The following HSPA12A variants were observed in gnomAD, a reference collection of about 807,000 sequenced individuals.
HSPA12A encodes heat shock protein family A (Hsp70) member 12A.
In HSPA12A, 28 loss-of-function variants were observed where a neutral mutation model predicts 69.2. That is an observed-to-expected ratio of 0.40 (90% CI 0.30 to 0.55). The LOEUF (loss-of-function observed/expected upper bound fraction) is 0.55, where lower values mean the gene tolerates loss of function less well. Ranked by LOEUF, HSPA12A falls within the 20% of genes least tolerant of loss-of-function variation. The pLI is 0.38. For missense variants in HSPA12A, 686 were observed against 900.7 expected, an observed-to-expected ratio of 0.76 and a Z score of 3.05; for synonymous variants, 345 against 370.5, an observed-to-expected ratio of 0.93 and a Z score of 0.79.
chr10:116,775,739 C>A (rs1844321821), intron 2 of HSPA12A, among the ~76,000 whole-genome samples: 1 of 152,158 alleles, frequency 6.6e-6, no homozygotes, highest in African/African-American at 2.4e-5. Context: ...GACATCAGGG[C>A]ACAGAAGTAA....
At chr10:116,769,007 G>A (rs1456558011) in intron 2 of HSPA12A, among the ~76,000 whole-genome samples, 5 of 152,148 alleles carry the variant, frequency 3.3e-5, no homozygotes, top group Non-Finnish European at 5.9e-5. Flanking sequence ...AGGACTGGAC[G>A]TTGTGATTCT....
intron 2 of HSPA12A, among the ~76,000 whole-genome samples, chr10:116,747,770 G>A (rs1360575678): frequency 2.6e-5 from 4 of 151,992 alleles, no homozygotes; most frequent in Non-Finnish European, 5.9e-5. Flanking sequence ...AGGCCGAGAC[G>A]GGTGGATCAC....
At chr10:116,720,737 G>A (rs1850751331) in intron 1 of HSPA12A, among the ~76,000 whole-genome samples, 1 of 152,256 alleles carries the variant, frequency 6.6e-6, no homozygotes, top group Admixed American at 6.5e-5. Flanking sequence ...GTGACCGTCT[G>A]CACGTGCCAG....
At chr10:116,798,038 A>T (rs538722024) in intron 2 of HSPA12A, among the ~76,000 whole-genome samples, 1 of 132,208 alleles carries the variant, frequency 7.6e-6, no homozygotes, top group East Asian at 2.2e-4. Flanking sequence ...AGCTCTTACA[A>T]GAACTATTTC....
chr10:116,802,746 C>T (rs1243841822), intron 2 of HSPA12A, among the ~76,000 whole-genome samples: 5 of 152,210 alleles, frequency 3.3e-5, no homozygotes, highest in Non-Finnish European at 2.9e-5. Context: ...CACGGCTTGC[C>T]TACCTCTCCC....
At chr10:116,684,541 G>A (rs1023323580) in intron 6 of HSPA12A, among the ~76,000 whole-genome samples, 2 of 152,010 alleles carry the variant, frequency 1.3e-5, no homozygotes, top group South Asian at 2.1e-4. Context: ...TCTCCAGAGC[G>A]CTAGGAGGGT....
chr10:116,772,633 A>T (rs1275945670), intron 2 of HSPA12A, among the ~76,000 whole-genome samples: 1 of 152,080 alleles, frequency 6.6e-6, no homozygotes, highest in Non-Finnish European at 1.5e-5. Flanking sequence ...CTGCTCTAGG[A>T]AAGCCTGTGG....
intron 2 of HSPA12A, among the ~76,000 whole-genome samples, chr10:116,805,620 A>G (rs1349966949): frequency 6.6e-6 from 1 of 152,196 alleles, no homozygotes; most frequent in Admixed American, 6.5e-5. Flanking sequence ...CTTGAAAAAA[A>G]CAAATTCACC....
At chr10:116,803,226 G>A (rs567521394) in intron 2 of HSPA12A, among the ~76,000 whole-genome samples, 38 of 152,266 alleles carry the variant, frequency 2.5e-4, no homozygotes, top group Non-Finnish European at 5.1e-4. Flanking sequence ...GGACGAGAGG[G>A]TGTGCGGAGA....
At chr10:116,821,868 G>A (rs1845413565) in intron 2 of HSPA12A, among the ~76,000 whole-genome samples, 2 of 152,136 alleles carry the variant, frequency 1.3e-5, no homozygotes, top group South Asian at 4.1e-4. Context: ...TTACAGCTCA[G>A]AAACACCAGA....
chr10:116,702,202 G>A (rs1382851548), intron 3 of HSPA12A, among the ~76,000 whole-genome samples: 2 of 152,042 alleles, frequency 1.3e-5, no homozygotes, highest in Non-Finnish European at 2.9e-5. Flanking sequence ...CAATGTATTC[G>A]CTCACCTTTG....
rs1201177310 is a variant in HSPA12A at position 116,673,651 on chromosome 10, C to G, written c.*1130G>C. On this transcript the variant is annotated 3_prime_UTR_variant, in exon 12 of 12. Transcript: ENST00000369209. The stretch of plus-strand genomic sequence containing the variant: ...TTCTGATGCAGGCGAGCCACAGGCC[C>G]GCTGTGAAAAAAAACTGACTTAATA... 6.6e-6 allele frequency: 1 copy of G among 151,942 alleles called. No homozygotes were observed. The highest frequency in any genetic ancestry group is 1.5e-5 in the Non-Finnish European group (1 of 68,014). 9.4% of individuals were successfully genotyped at this position (151,942 alleles called of 1,614,324 possible).
At position 116,742,458 on chromosome 10, in the gene HSPA12A, CT is replaced by C; in HGVS notation, c.11del (p.Lys4ArgfsTer30). 1 of 1,401,176 alleles carries C rather than the reference CT, an allele frequency of 7.1e-7. No homozygotes were observed. The highest frequency in any genetic ancestry group is 1.4e-5 in the South Asian group (1 of 70,008). The allele number at this position is 1,401,176 out of a possible 1,614,324, so 86.8% of individuals were successfully genotyped here. On this transcript the variant is annotated frameshift_variant, in exon 1 of 12. Coordinates refer to ENST00000369209, the MANE Select transcript of HSPA12A (RefSeq NM_025015.3). LOFTEE classifies it high-confidence loss of function. MAD[K>X]EAGGSDGPRE... is the part of the protein sequence containing the mutation. ...GGGGCCCGTCGCTGCCGCCGGCCTCCTTGTCCGCCATGGTCGCGCAGCCCCG... is the reference window on the plus strand; with the variant it reads ...GGGGCCCGTCGCTGCCGCCGGCCTCCTGTCCGCCATGGTCGCGCAGCCCCG...
intron 2 of HSPA12A, among the ~76,000 whole-genome samples, chr10:116,752,471 C>G (rs1851796296): frequency 6.6e-6 from 1 of 152,196 alleles, no homozygotes; most frequent in Non-Finnish European, 1.5e-5. Flanking sequence ...TTCCATCAGA[C>G]ATGTGCTGCA....
intron 2 of HSPA12A, among the ~76,000 whole-genome samples, chr10:116,786,108 C>T (rs954529257): frequency 1.3e-5 from 2 of 152,176 alleles, no homozygotes; most frequent in Admixed American, 1.3e-4. Flanking sequence ...CCACGTGGAG[C>T]CTCTCGGGTA....
In HSPA12A at chr10:116,692,451, G is replaced by A. The variant is rs1047363608; in HGVS notation, c.563C>T (p.Ala188Val). The A allele has an allele frequency of 8.7e-6, 14 of 1,613,612 alleles. No individual in the cohort carries two copies. In the Admixed American group the frequency reaches 1.2e-4, roughly 13 times the overall value. ...ATCAGAGTTCTCGAACTCCGAACCC[G>A]CCTGGTCACTCAGCTCCTGAAGCCA... ...EQALKELSDQ[A>V]GSEFENSDVR... Residue 188 changes from alanine (A) to valine (V), a missense_variant, in exon 6 of 12, where the codon GCG (alanine) becomes GTG (valine). By Grantham distance (64) the Ala-to-Val change is moderately conservative. Coordinates refer to ENST00000369209, the MANE Select transcript of HSPA12A (RefSeq NM_025015.3).
chr10:116,768,227 G>T lies in HSPA12A; in HGVS notation c.92-60942C>A, dbSNP rs568683913. Among the ~76,000 whole-genome samples, 12 of 152,284 alleles carry T rather than the reference G, an allele frequency of 7.9e-5. No homozygotes were observed. The South Asian group carries it at 2.3e-3, about 29-fold the overall frequency. Reference sequence around the variant, plus strand: ...CATGAATGAACCTTGAAAACATTACGCTAAGTGAAAGAAGCCAGATGCAAA... The same window carrying T: ...CATGAATGAACCTTGAAAACATTACTCTAAGTGAAAGAAGCCAGATGCAAA... On this transcript the variant is annotated intron_variant, in intron 2 of 12. Coordinates refer to the HSPA12A transcript ENST00000635765.
chr10:116,726,047 A>G (rs1850952059), intron 1 of HSPA12A, among the ~76,000 whole-genome samples: 1 of 150,568 alleles, frequency 6.6e-6, no homozygotes, highest in Non-Finnish European at 1.5e-5. Context: ...ACACACACAC[A>G]CACACACAAC....
At chr10:116,796,493 G>T (rs532932145) in intron 2 of HSPA12A, among the ~76,000 whole-genome samples, 5 of 152,204 alleles carry the variant, frequency 3.3e-5, no homozygotes, top group African/African-American at 1.2e-4. Context: ...CGCTGTCCCT[G>T]CCCCAGGCCT....
Sources: gnomAD v4.1 joint callset for allele counts (sites outside exome capture counted in the v4.1 genomes callset) on GRCh38, gnomAD v4.1.1 for gene constraint, MANE v1.5 for transcripts, NCBI Gene and HGNC (gene_info 2026-07-23, HGNC 2026-07-21) for gene names.